TMEM232: variants seen among roughly 807,000 people sequenced by gnomAD.
The protein encoded by TMEM232 is transmembrane protein 232.
Under a neutral mutation model 78.8 loss-of-function variants are expected in TMEM232, and 80 were observed. That is an observed-to-expected ratio of 1.01 (90% CI 0.85 to 1.22). The LOEUF (loss-of-function observed/expected upper bound fraction) is 1.22, where lower values mean the gene tolerates loss of function less well. Ranked by LOEUF, TMEM232 falls within the 50% of genes most tolerant of loss-of-function variation. The pLI is 0.00. For missense variants in TMEM232, 881 were observed against 742.2 expected (o/e 1.19, Z -2.17); for synonymous variants, 297 against 254.3 (o/e 1.17, Z -1.60).
intron 2 of TMEM232, among the ~76,000 whole-genome samples, chr5:110,412,202 A>T (rs1277518678): frequency 2.0e-5 from 3 of 152,222 alleles, no homozygotes; most frequent in African/African-American, 7.2e-5. Flanking sequence ...CATTAAAAAC[A>T]TAAGTCAATA....
intron 1 of TMEM232, among the ~76,000 whole-genome samples, chr5:110,682,613 G>A (rs563730007): frequency 6.6e-6 from 1 of 151,922 alleles, no homozygotes; most frequent in Non-Finnish European, 1.5e-5. Context: ...TTGATTTCAG[G>A]CTTTAATTAT....
At chr5:110,601,974 G>T (rs755565778) in intron 10 of TMEM232, among the ~76,000 whole-genome samples, 2 of 152,004 alleles carry the variant, frequency 1.3e-5, no homozygotes, top group Non-Finnish European at 2.9e-5. Flanking sequence ...CAGAACAGAG[G>T]CTTCAGAAAT....
intron 10 of TMEM232, among the ~76,000 whole-genome samples, chr5:110,578,304 C>A (rs1462220725): frequency 6.6e-6 from 1 of 151,488 alleles, no homozygotes; most frequent in Non-Finnish European, 1.5e-5. Context: ...ATTCCAGGGG[C>A]AACAAGGAAA....
chr5:110,639,695 CT>C (rs1178589007), intron 4 of TMEM232, among the ~76,000 whole-genome samples: 2 of 152,206 alleles, frequency 1.3e-5, no homozygotes, highest in Admixed American at 6.5e-5. Flanking sequence ...GTGACTACCC[CT>C]AATCAAATCA....
chr5:110,729,258 T>C (rs1478433023), upstream of TMEM232, among the ~76,000 whole-genome samples: 1 of 152,224 alleles, frequency 6.6e-6, no homozygotes, highest in Non-Finnish European at 1.5e-5. Flanking sequence ...TTCCTAAACA[T>C]ATCATGAGCT....
intron 12 of TMEM232, among the ~76,000 whole-genome samples, chr5:110,497,591 G>T (rs1765773581): frequency 6.6e-6 from 1 of 152,076 alleles, no homozygotes; most frequent in African/African-American, 2.4e-5. Context: ...AGCTTCTCTT[G>T]GAAGAGCAGA....
chr5:110,519,836 G>A (rs1769234383), intron 12 of TMEM232, among the ~76,000 whole-genome samples: 2 of 150,038 alleles, frequency 1.3e-5, no homozygotes, highest in East Asian at 3.9e-4. Flanking sequence ...GGAGGGAACC[G>A]GAGGATATTA....
chr5:110,702,846 C>T (rs550697482), intron 1 of TMEM232, among the ~76,000 whole-genome samples: 1 of 152,020 alleles, frequency 6.6e-6, no homozygotes, highest in Admixed American at 6.6e-5. Flanking sequence ...CTCATCAGAG[C>T]TTGTCATTTG....
At chr5:110,408,051 C>T (rs1488510681) in intron 2 of TMEM232, among the ~76,000 whole-genome samples, 1 of 151,732 alleles carries the variant, frequency 6.6e-6, no homozygotes, top group Non-Finnish European at 1.5e-5. Context: ...ATACAACACA[C>T]CAAAATCTAT....
intron 3 of TMEM232, 55 bp from the exon 4 acceptor site, chr5:110,641,051 A>T: frequency 8.8e-7 from 1 of 1,134,470 alleles, no homozygotes; most frequent in Non-Finnish European, 1.2e-6. Flanking sequence ...TTTTATATAT[A>T]TATTTATTTT....
intron 2 of TMEM232, among the ~76,000 whole-genome samples, chr5:110,409,127 T>C (rs965703521): frequency 6.6e-6 from 1 of 152,250 alleles, no homozygotes; most frequent in African/African-American, 2.4e-5. Flanking sequence ...ATTTACTTTG[T>C]TGTTACTTTG....
At chr5:110,618,232 A>G (rs140749443) in intron 8 of TMEM232, among the ~76,000 whole-genome samples, 197 bp downstream of exon 8, 6 of 152,328 alleles carry the variant, frequency 3.9e-5, no homozygotes, top group African/African-American at 1.4e-4. Flanking sequence ...CTAGCAAAGC[A>G]GAAAAAGAGA....
intron 12 of TMEM232, among the ~76,000 whole-genome samples, chr5:110,449,963 C>A (rs1302866056): frequency 2.0e-5 from 3 of 152,082 alleles, no homozygotes; most frequent in Non-Finnish European, 4.4e-5. Flanking sequence ...AATTGTAACT[C>A]CCAATGTTGG....
At chr5:110,721,109 G>C (rs1207886149) in intron 1 of TMEM232, among the ~76,000 whole-genome samples, 1 of 152,020 alleles carries the variant, frequency 6.6e-6, no homozygotes, top group Admixed American at 6.6e-5. Flanking sequence ...TCCCGGTAAA[G>C]TTATAAGACA....
chr5:110,615,910 A>T (rs1223327925), intron 8 of TMEM232, among the ~76,000 whole-genome samples: 7 of 151,724 alleles, frequency 4.6e-5, no homozygotes, highest in Non-Finnish European at 8.8e-5. Flanking sequence ...AGCAAAAAAT[A>T]AAAAAAATAA....
chr5:110,530,582 G>A (rs1771303712), intron 11 of TMEM232, among the ~76,000 whole-genome samples: 1 of 152,156 alleles, frequency 6.6e-6, no homozygotes, highest in Admixed American at 6.5e-5. Context: ...GTAACAACAT[G>A]GATGAACCTG....
intron 1 of TMEM232, among the ~76,000 whole-genome samples, chr5:110,692,459 G>C (rs1447243670): frequency 1.3e-5 from 2 of 152,186 alleles, no homozygotes; most frequent in Non-Finnish European, 2.9e-5. Context: ...GGGTGCAGGA[G>C]AGTGGGTGCA....
chr5:110,544,549 TAA>T (rs1581159558), intron 11 of TMEM232, among the ~76,000 whole-genome samples: 3 of 151,664 alleles, frequency 2.0e-5, no homozygotes, highest in East Asian at 1.9e-4. Context: ...ATTTTTGACA[TAA>T]GAGAAAAAAG....
At chr5:110,684,205 C>T (rs1793112257) in intron 1 of TMEM232, among the ~76,000 whole-genome samples, 1 of 151,670 alleles carries the variant, frequency 6.6e-6, no homozygotes, top group Admixed American at 6.6e-5. Context: ...TAGGCAGTTG[C>T]AGTCAAGAAT....
Sources: allele counts gnomAD v4.1 joint callset (sites outside exome capture counted in the v4.1 genomes callset), GRCh38; gene constraint gnomAD v4.1.1; transcripts MANE v1.5; gene names NCBI Gene and HGNC (gene_info 2026-07-23, HGNC 2026-07-21).